The following MMP11 variants were observed in gnomAD, a reference collection of about 807,000 sequenced individuals.
The protein encoded by MMP11 is stromelysin-3.
Under a neutral mutation model 49.5 loss-of-function variants are expected in MMP11, and 26 were observed. That is an observed-to-expected ratio of 0.52 (90% confidence interval 0.38 to 0.73). The LOEUF (loss-of-function observed/expected upper bound fraction) is 0.73, where lower values mean the gene tolerates loss of function less well. MMP11 is among the 30% of genes least tolerant of loss of function. The pLI is 0.00. For synonymous variants in MMP11, 265 were observed against 282.3 expected (o/e 0.94, Z 0.62); for missense variants, 624 against 671.2 (o/e 0.93, Z 0.78).
chr22:23,776,744 T>C (rs1927422731), intron 1 of MMP11, among the ~76,000 whole-genome samples: 1 of 151,722 alleles, frequency 6.6e-6, no homozygotes, highest in African/African-American at 2.4e-5. Context: ...AGAGGTTCCA[T>C]CAGGGGCTAA....
chr22:23,780,597 C>A lies in MMP11; in HGVS notation c.498C>A (p.Asp166Glu). ...MIDFARYWHG[D>E]DLPFDGPGGI... ...CCATCTGTAGGTACTGGCATGGGGACGACCTGCCGTTTGATGGGCCTGGGG... is the reference window on the plus strand; with the variant it reads ...CCATCTGTAGGTACTGGCATGGGGAAGACCTGCCGTTTGATGGGCCTGGGG... Residue 166 changes from aspartate (D) to glutamate (E), a missense_variant, in exon 4 of 8, where the codon GAC becomes GAA. Asp to Glu is a conservative substitution (Grantham distance 45, BLOSUM62 2). Coordinates refer to ENST00000215743, the MANE Select transcript of MMP11 (RefSeq NM_005940.5). This position sits in a 1 kb window ranked among gnomAD's most constrained non-coding sequence, Gnocchi z 4.6. 1 of 1,598,072 alleles carries A rather than the reference C, an allele frequency of 6.3e-7. No homozygotes were observed. The highest frequency in any genetic ancestry group is 8.5e-7 in the Non-Finnish European group (1 of 1,171,210).
At chr22:23,775,986 G>A (rs1262407567) in intron 1 of MMP11, among the ~76,000 whole-genome samples, 9 of 152,226 alleles carry the variant, frequency 5.9e-5, no homozygotes, top group Admixed American at 1.3e-4. Flanking sequence ...GCTAAGAGAG[G>A]AAGGTGACTT....
intron 6 of MMP11, chr22:23,781,625 ATT>A (rs1251574373): frequency 6.3e-6 from 4 of 634,552 alleles, no homozygotes; most frequent in African/African-American, 1.8e-5. Context: ...CGTGGAAGGG[ATT>A]GCACGGTGGG....
chr22:23,781,007 C>G lies in MMP11; in HGVS notation c.765C>G (p.His255Gln). The G allele has an allele frequency of 6.2e-7, 1 of 1,613,216 alleles. No homozygotes were observed. The change falls in exon 5 of 8, where the codon CAC (histidine) becomes CAG (glutamine). Residue 255 changes from histidine to glutamine, a missense_variant. Coordinates refer to ENST00000215743, the MANE Select transcript of MMP11 (RefSeq NM_005940.5). ...LSPDDCRGVQ[H>Q]LYGQPWPTVT... ...CAGATGACTGCAGGGGCGTTCAACA[C>G]CTATATGGCCAGCCCTGGCCCACTG...
At chr22:23,781,464 G>C in intron 6 of MMP11, 55 bp downstream of exon 6, 2 of 1,489,972 alleles carry the variant, frequency 1.3e-6, no homozygotes, top group Non-Finnish European at 1.8e-6. Context: ...GGAATGTTAT[G>C]GCCAAGGGCA....
intron 5 of MMP11, 24 bp downstream of exon 5, chr22:23,781,124 C>T: frequency 1.2e-6 from 2 of 1,606,772 alleles, no homozygotes; most frequent in Non-Finnish European, 8.5e-7. Context: ...TGCCAGTCCC[C>T]CTACTCCTCT....
intron 2 of MMP11, 78 bp downstream of exon 2, chr22:23,779,494 T>G: frequency 7.9e-7 from 1 of 1,259,200 alleles, no homozygotes; most frequent in Non-Finnish European, 1.1e-6. Context: ...AGCTGCTGCT[T>G]GAGACACAGG....
At chr22:23,776,532 C>G (rs1458934011) in intron 1 of MMP11, among the ~76,000 whole-genome samples, 1 of 152,218 alleles carries the variant, frequency 6.6e-6, no homozygotes, top group Admixed American at 6.5e-5. Flanking sequence ...TGCACCTCAC[C>G]AAGGTGAGGC....
Position 23,782,373 on chromosome 22 carries a change from A to G in MMP11, c.1223A>G (p.Tyr408Cys), listed in dbSNP as rs778551635. The G allele has an allele frequency of 4.2e-5, 68 of 1,613,824 alleles. No homozygotes were observed. Among genetic ancestry groups the G allele is most frequent in the Non-Finnish European group, 5.8e-5 (68 of 1,180,012 alleles). ...ATCTACTTCTTCCGAGGCAGGGACT[A>G]CTGGCGTTTCCACCCCAGCACCCGG... is the stretch of plus-strand genomic sequence containing the variant. ...NKIYFFRGRDYWRFHPSTRRV... is the reference protein window; with the variant it reads ...NKIYFFRGRDCWRFHPSTRRV... Residue 408 changes from tyrosine (Y) to cysteine (C), a missense_variant, in exon 7 of 8, where the codon TAC becomes TGC. Tyr to Cys is a radical substitution (Grantham distance 194, BLOSUM62 -2). Transcript: ENST00000215743.
intron 1 of MMP11, among the ~76,000 whole-genome samples, chr22:23,773,780 G>A (rs1326207047): frequency 1.3e-5 from 2 of 152,222 alleles, no homozygotes; most frequent in Non-Finnish European, 2.9e-5. Flanking sequence ...CCTGGGGCCA[G>A]AGCCTGGGCC....
At chr22:23,775,188 G>A (rs977316551) in intron 1 of MMP11, among the ~76,000 whole-genome samples, 1 of 152,222 alleles carries the variant, frequency 6.6e-6, no homozygotes, top group Non-Finnish European at 1.5e-5. Context: ...CCAGGTCTAG[G>A]TCCAGCTCTT....
rs1927563067 is a variant in MMP11, at chr22:23,780,145, T to C, written c.339-214T>C. On this transcript the variant is annotated intron_variant, in intron 2 of 7. Coordinates refer to ENST00000215743, the MANE Select transcript of MMP11 (RefSeq NM_005940.5). This position sits in a 1 kb window ranked among gnomAD's most constrained non-coding sequence, Gnocchi z 4.6. ...CTGGTCCTGGTTCTTTCCACTGAAT[T>C]CAGACACTTGTATTTGCCTAAGTAT... 3.3e-6 allele frequency: 2 copies of C among 611,298 alleles called. No individual in the cohort carries two copies. Among genetic ancestry groups the C allele is most frequent in the South Asian group, 2.1e-5 (1 of 48,148 alleles). The allele number at this position is 611,298 out of a possible 1,614,324, so 37.9% of individuals were successfully genotyped here.
At chr22:23,783,279 C>A in intron 7 of MMP11, 132 bp from the exon 8 acceptor site, 1 of 1,074,036 alleles carries the variant, frequency 9.3e-7, no homozygotes, top group Non-Finnish European at 1.3e-6. Context: ...TCCTGCAGGA[C>A]TCGAGGAACT....
rs554846184 is a variant in MMP11 at position 23,777,394 on chromosome 22, G to A, written c.109-1793G>A. ...CATCCTGGTAACATGGTGAAATCCC[G>A]TTTCTACTAAAAATACAAAAAAATT... On this transcript the variant is annotated intron_variant, in intron 1 of 7. Coordinates refer to ENST00000215743, the MANE Select transcript of MMP11 (RefSeq NM_005940.5). Among the ~76,000 whole-genome samples the A allele has an allele frequency of 2.2e-3, 333 of 151,892 alleles. 1 individual carries two copies. Among genetic ancestry groups the A allele is most frequent in the Non-Finnish European group, 3.4e-3 (233 of 67,944 alleles).
chr22:23,783,385 C>T (rs1421645957), intron 7 of MMP11, 26 bp from the exon 8 acceptor site: 53 of 1,612,286 alleles, frequency 3.3e-5, no homozygotes, highest in Non-Finnish European at 4.3e-5. Flanking sequence ...TCCGCTCGCC[C>T]AGGCTTGACC....
At position 23,780,503 on chromosome 22, in the gene MMP11, G is replaced by T; in HGVS notation, c.482+1G>T. ...CTGACATCATGATCGACTTCGCCAG[G>T]TGAATGGGCGGCCTGGGACCCCTCC... On this transcript the variant is annotated splice_donor_variant, in intron 3 of 7. Transcript: ENST00000215743. LOFTEE classifies it high-confidence loss of function. This position sits in a 1 kb window ranked among gnomAD's most constrained non-coding sequence, Gnocchi z 4.6. The T allele has an allele frequency of 5.6e-6, 9 of 1,613,848 alleles. No individual in the cohort carries two copies. Among genetic ancestry groups the T allele is most frequent in the Non-Finnish European group, 7.6e-6 (9 of 1,180,014 alleles).
At position 23,783,912 on chromosome 22, in the gene MMP11, G is replaced by A. The variant is rs1277115612; in HGVS notation, c.*368G>A. The stretch of plus-strand genomic sequence containing the variant: ...TGTCCTTGCTGTATCCCTGTTGTGA[G>A]GTTCCTTCCAGGGGCTGGCACTGAA... On this transcript the variant is annotated 3_prime_UTR_variant, in exon 8 of 8. Coordinates refer to ENST00000215743, the MANE Select transcript of MMP11 (RefSeq NM_005940.5). 8.1e-6 allele frequency: 2 copies of A among 247,546 alleles called. No individual in the cohort carries two copies. Among genetic ancestry groups the A allele is most frequent in the South Asian group, 1.4e-4 (2 of 14,524 alleles). 15.3% of individuals were successfully genotyped at this position (247,546 alleles called of 1,614,324 possible).
At position 23,779,244 on chromosome 22, in the gene MMP11, C is replaced by T. The variant is rs775694044; in HGVS notation, c.166C>T (p.Pro56Ser). 1 of 1,609,050 alleles carries T rather than the reference C, an allele frequency of 6.2e-7. No individual in the cohort carries two copies. The highest frequency in any genetic ancestry group is 8.5e-7 in the Non-Finnish European group (1 of 1,178,410). Reference protein sequence around the residue: ...RGPQPWHAALPSSPAPAPATQ... With the variant: ...RGPQPWHAALSSSPAPAPATQ... Reference sequence around the variant, plus strand: ...GCCACAGCCCTGGCATGCAGCCCTGCCCAGTAGCCCGGCACCTGCCCCTGC... The same window carrying T: ...GCCACAGCCCTGGCATGCAGCCCTGTCCAGTAGCCCGGCACCTGCCCCTGC... Residue 56 changes from proline (P) to serine (S), a missense_variant, in exon 2 of 8, where the codon CCC becomes TCC. Pro to Ser is a moderately conservative substitution (Grantham distance 74, BLOSUM62 -1). Transcript: ENST00000215743.
Position 23,780,617 on chromosome 22 carries a change from CTGGGGG to C in MMP11, c.519_524del (p.Gly174_Gly175del). The C allele has an allele frequency of 6.3e-7, 1 of 1,595,378 alleles. No individual in the cohort carries two copies. Among genetic ancestry groups the C allele is most frequent in the Non-Finnish European group, 8.5e-7 (1 of 1,170,848 alleles). ...GGGGACGACCTGCCGTTTGATGGGCCTGGGGGCATCCTGGCCCATGCCTTCTTCCCC... is the reference window on the plus strand; with the variant it reads ...GGGGACGACCTGCCGTTTGATGGGCCCATCCTGGCCCATGCCTTCTTCCCC... On this transcript the variant is annotated inframe_deletion, in exon 4 of 8. Transcript: ENST00000215743. The surrounding 1 kb of genome is among the most constrained non-coding windows in gnomAD (Gnocchi z 4.6).
Sources: allele counts gnomAD v4.1 joint callset (sites outside exome capture counted in the v4.1 genomes callset), GRCh38; gene constraint gnomAD v4.1.1; non-coding constraint Gnocchi (gnomAD v3.1); transcripts MANE v1.5; gene names NCBI Gene and HGNC (gene_info 2026-07-23, HGNC 2026-07-21).